Variants in C11orf58 observed in about 807,000 individuals in gnomAD.
C11orf58 encodes the protein chromosome 11 open reading frame 58.
A neutral mutation model predicts 22.7 loss-of-function variants in C11orf58; 5 were observed. That is an observed-to-expected ratio of 0.22 (90% confidence interval 0.12 to 0.46). The LOEUF (loss-of-function observed/expected upper bound fraction) is 0.46, where lower values mean the gene tolerates loss of function less well. Among genes scored for constraint, C11orf58 ranks in the 20% least tolerant of loss-of-function variants. C11orf58 has a pLI of 0.99. For synonymous variants in C11orf58, 71 were observed against 70.7 expected, an observed-to-expected ratio of 1.00 and a Z score of -0.02; for missense variants, 151 against 223.3, an observed-to-expected ratio of 0.68 and a Z score of 2.06.
chr11:16,747,112 GTCA>G (rs1267178989), intron 2 of C11orf58: 3 of 152,164 alleles, frequency 2.0e-5, no homozygotes, highest in African/African-American at 7.2e-5. Context: ...GTGCAATACT[GTCA>G]TCATCCTGGA....
At chr11:16,750,422 A>T (rs924010700) in intron 3 of C11orf58, 2 of 152,256 alleles carry the variant, frequency 1.3e-5, no homozygotes, top group African/African-American at 4.8e-5. Flanking sequence ...GGCTAATCAC[A>T]TTGCTAAAGC....
Position 16,756,221 on chromosome 11 carries a change from A to G in C11orf58, c.*1117A>G, listed in dbSNP as rs907283080. On this transcript the variant is annotated 3_prime_UTR_variant, in exon 5 of 5. Coordinates refer to ENST00000228136, the MANE Select transcript of C11orf58 (RefSeq NM_014267.6). ...GTCACACCTGTTTGTGAGCTGAGCT[A>G]TTATACATCTACATACTTAAAGGAT... 6.7e-6 allele frequency: 1 copy of G among 149,936 alleles called. No individual in the cohort carries two copies. The highest frequency in any genetic ancestry group is 2.0e-4 in the East Asian group (1 of 5,118). 9.3% of individuals were successfully genotyped at this position (149,936 alleles called of 1,614,324 possible). A position where few individuals can be genotyped will look rare whatever the true frequency, so the allele number is the denominator to read the frequency against.
At chr11:16,750,805 G>A (rs1356822459) in intron 3 of C11orf58, 1 of 152,498 alleles carries the variant, frequency 6.6e-6, no homozygotes, top group African/African-American at 2.4e-5. Flanking sequence ...TGGTCATTTT[G>A]TATCGATATA....
chr11:16,744,458 T>C, intron 1 of C11orf58, 143 bp from the exon 2 acceptor site: 1 of 640,892 alleles, frequency 1.6e-6, no homozygotes, highest in East Asian at 2.8e-5. Flanking sequence ...ATGAATATGC[T>C]TAACTTCCTA....
intron 3 of C11orf58, chr11:16,751,255 T>C (rs1848530359): frequency 6.6e-6 from 1 of 152,152 alleles, no homozygotes. Flanking sequence ...ATTACAGCAC[T>C]TTTGGGAGGC....
At chr11:16,745,171 G>C (rs1848478145) in intron 2 of C11orf58, among the ~76,000 whole-genome samples, 1 of 152,156 alleles carries the variant, frequency 6.6e-6, no homozygotes, top group Non-Finnish European at 1.5e-5. Flanking sequence ...TTACTAGATA[G>C]AGAAGTTTCT....
chr11:16,747,537 A>G (rs879794922), intron 2 of C11orf58: 1 of 151,780 alleles, frequency 6.6e-6, no homozygotes, highest in Non-Finnish European at 1.5e-5. Context: ...ATTGTTTTAA[A>G]TTGTTCTTTT....
chr11:16,749,583 T>C (rs764220261), intron 3 of C11orf58: 1 of 152,196 alleles, frequency 6.6e-6, no homozygotes, highest in South Asian at 2.1e-4. Flanking sequence ...CTGCTCCCAA[T>C]GGCTTGTATG....
intron 1 of C11orf58, 63 bp from the exon 2 acceptor site, chr11:16,744,538 C>T: frequency 7.4e-7 from 1 of 1,343,662 alleles, no homozygotes; most frequent in Non-Finnish European, 1.1e-6. Context: ...TACAGGTAGA[C>T]TTTAGATTTC....
At chr11:16,742,147 A>G (rs1172582312) in intron 1 of C11orf58, among the ~76,000 whole-genome samples, 2 of 152,250 alleles carry the variant, frequency 1.3e-5, no homozygotes, top group African/African-American at 4.8e-5. Context: ...ATAAACACTG[A>G]AAATGTTTTT....
chr11:16,757,596 T>G lies in C11orf58; in HGVS notation c.*2492T>G, dbSNP rs1590077741. On this transcript the variant is annotated 3_prime_UTR_variant, in exon 5 of 5. Coordinates refer to ENST00000228136, the MANE Select transcript of C11orf58 (RefSeq NM_014267.6). The stretch of plus-strand genomic sequence containing the variant: ...AAAAATTAGACAACTGATGTCATGC[T>G]GTCTTGGTATCCATACTAAAAAAGT... 6.6e-6 allele frequency among the ~76,000 whole-genome samples: 1 copy of G among 152,362 alleles called. No homozygotes were observed. The highest frequency in any genetic ancestry group is 1.9e-4 in the East Asian group (1 of 5,190).
At chr11:16,749,192 C>T (rs2134072240) in intron 3 of C11orf58, 1 of 151,974 alleles carries the variant, frequency 6.6e-6, no homozygotes, top group East Asian at 1.9e-4. Flanking sequence ...TAAAACTGAC[C>T]CTAATCTTGG....
intron 2 of C11orf58, chr11:16,747,705 T>A (rs551186197): frequency 4.4e-4 from 70 of 159,106 alleles, no homozygotes; most frequent in Admixed American, 6.4e-4. Context: ...CTCCATGAGA[T>A]ATACTTGAGG....
chr11:16,740,507 A>G (rs1848438645), intron 1 of C11orf58, among the ~76,000 whole-genome samples: 1 of 151,870 alleles, frequency 6.6e-6, no homozygotes, highest in Non-Finnish European at 1.5e-5. Context: ...GGCTCAGGTG[A>G]TCCTCCTGCT....
At chr11:16,739,131 G>C (rs1265103308) in intron 1 of C11orf58, among the ~76,000 whole-genome samples, 3 of 152,092 alleles carry the variant, frequency 2.0e-5, no homozygotes, top group Non-Finnish European at 4.4e-5. Context: ...TCGTACGTGC[G>C]TTTTGGGGGG....
chr11:16,757,995 T>TA lies in C11orf58; in HGVS notation c.*2892dup, dbSNP rs1029868533. Among the ~76,000 whole-genome samples, 2 of 152,238 alleles carry TA rather than the reference T, an allele frequency of 1.3e-5. No homozygotes were observed. The highest frequency in any genetic ancestry group is 4.8e-5 in the African/African-American group (2 of 41,472). On this transcript the variant is annotated 3_prime_UTR_variant, in exon 5 of 5. Transcript: ENST00000228136. ...TACCTGGTTAGCTTCAGTGACTACTTACACACAGGGCTTTGGTTCCATTAC... is the reference window on the plus strand; with the variant it reads ...TACCTGGTTAGCTTCAGTGACTACTTAACACACAGGGCTTTGGTTCCATTAC...
intron 3 of C11orf58, 139 bp from the exon 4 acceptor site, chr11:16,752,646 G>A: frequency 2.1e-6 from 1 of 474,698 alleles, no homozygotes; most frequent in Non-Finnish European, 3.6e-6. Flanking sequence ...AACCACCTAT[G>A]GCATAAATTC....
At chr11:16,754,059 G>A in intron 4 of C11orf58, 1 of 412,056 alleles carries the variant, frequency 2.4e-6, no homozygotes, top group Non-Finnish European at 4.3e-6. Context: ...TTTCATTTAG[G>A]TTTAAAATAA....
At chr11:16,741,508 CT>C (rs35302462) in intron 1 of C11orf58, among the ~76,000 whole-genome samples, 1 of 152,196 alleles carries the variant, frequency 6.6e-6, no homozygotes, top group South Asian at 2.1e-4. Flanking sequence ...CACCCACGTG[CT>C]TTTCAGAATG....
Sources: gnomAD v4.1 joint callset for allele counts (sites outside exome capture counted in the v4.1 genomes callset) on GRCh38, gnomAD v4.1.1 for gene constraint, MANE v1.5 for transcripts, NCBI Gene and HGNC (gene_info 2026-07-23, HGNC 2026-07-21) for gene names.